RERE: variants seen among roughly 807,000 people sequenced by gnomAD.
RERE encodes the protein arginine-glutamic acid dipeptide repeats protein.
A neutral mutation model predicts 146.1 loss-of-function variants in RERE; 40 were observed. The observed-to-expected ratio is 0.27, with a 90% CI of 0.21 to 0.36. The LOEUF (loss-of-function observed/expected upper bound fraction) is 0.36, where lower values mean the gene tolerates loss of function less well. RERE is among the 10% of genes least tolerant of loss of function. RERE has a pLI of 1.00. For missense variants in RERE, 1,933 were observed against 2,138.7 expected (o/e 0.90, Z 1.90); for synonymous variants, 1,003 against 866.0 (o/e 1.16, Z -2.78).
chr1:8,363,762 C>G (rs900312709), intron 15 of RERE: 1 of 452,926 alleles, frequency 2.2e-6, no homozygotes, highest in Non-Finnish European at 4.0e-6. Context: ...GAAGTGACAC[C>G]ACAAGCAGCA....
At chr1:8,708,905 GTTTTTTTTTT>G (rs35403792) in intron 1 of RERE, among the ~76,000 whole-genome samples, 1 of 72,284 alleles carries the variant, frequency 1.4e-5, no homozygotes, top group Non-Finnish European at 2.4e-5. Flanking sequence ...AAACTCTGGA[GTTTTTTTTTT>G]TTTTTTTTTT....
intron 2 of RERE, among the ~76,000 whole-genome samples, chr1:8,638,277 G>GT (rs1298766458): frequency 6.6e-6 from 1 of 152,016 alleles, no homozygotes; most frequent in East Asian, 1.9e-4. Flanking sequence ...ATTTTGAGAT[G>GT]TTTTTTCCAT....
intron 1 of RERE, among the ~76,000 whole-genome samples, chr1:8,809,394 C>G (rs1641751142): frequency 6.6e-6 from 1 of 152,100 alleles, no homozygotes; most frequent in Non-Finnish European, 1.5e-5. Context: ...TTGGCTGTAG[C>G]TAAGATTTTT....
chr1:8,752,765 T>C (rs1253392655), intron 1 of RERE, among the ~76,000 whole-genome samples: 1 of 152,198 alleles, frequency 6.6e-6, no homozygotes, highest in Non-Finnish European at 1.5e-5. Context: ...ACAGTTTGTG[T>C]TGGAAATAAT....
chr1:8,664,361 A>T (rs1638523998), intron 1 of RERE, among the ~76,000 whole-genome samples: 1 of 151,856 alleles, frequency 6.6e-6, no homozygotes, highest in Admixed American at 6.6e-5. Context: ...CTCTTTTCTC[A>T]TCCTCTACTT....
At chr1:8,517,427 T>G (rs1645434588) in intron 7 of RERE, among the ~76,000 whole-genome samples, 1 of 152,228 alleles carries the variant, frequency 6.6e-6, no homozygotes, top group African/African-American at 2.4e-5. Context: ...CTGCTGTGGA[T>G]TCATCATCTT....
Position 8,775,319 on chromosome 1 carries a change from C to T in RERE, c.-145+41841G>A, listed in dbSNP as rs560169594. Among the ~76,000 whole-genome samples, 6 of 152,264 alleles carry T rather than the reference C, an allele frequency of 3.9e-5. No individual in the cohort carries two copies. The South Asian group carries it at 1.2e-3, about 32-fold the overall frequency. ...GGGAACAGTGGCTCACACCTATAAT[C>T]CCAACACTTTGGGAGGCCGAAGCAG... On this transcript the variant is annotated intron_variant, in intron 1 of 22. Transcript: ENST00000400908.
At chr1:8,617,477 T>G (rs2124204455) in intron 3 of RERE, among the ~76,000 whole-genome samples, 1 of 152,276 alleles carries the variant, frequency 6.6e-6, no homozygotes. Flanking sequence ...ATAACGAACT[T>G]TAATGTAAAG....
chr1:8,607,530 A>ATATATTTTTT (rs1646732034), intron 4 of RERE, among the ~76,000 whole-genome samples: 2 of 57,582 alleles, frequency 3.5e-5, no homozygotes, highest in East Asian at 9.6e-4. Context: ...TTTTATATAT[A>ATATATTTTTT]TTTCTTTTTT....
At chr1:8,388,554 C>T (rs998724276) in intron 12 of RERE, among the ~76,000 whole-genome samples, 2 of 152,146 alleles carry the variant, frequency 1.3e-5, no homozygotes, top group Non-Finnish European at 2.9e-5. Flanking sequence ...CTCCTGACCT[C>T]ATGATCCGCC....
intron 1 of RERE, among the ~76,000 whole-genome samples, chr1:8,743,349 G>A (rs1640350683): frequency 1.3e-5 from 2 of 152,012 alleles, no homozygotes; most frequent in Non-Finnish European, 2.9e-5. Context: ...TAGAATTTGG[G>A]CTTACTGAAA....
Position 8,574,982 on chromosome 1 carries a change from G to A in RERE, c.523-17459C>T, listed in dbSNP as rs147970964. ...CTTTCTAAAATTAAAAGTCTAATTC[G>A]CAAATGCTAAAATTTACATACACAT... On this transcript the variant is annotated intron_variant, in intron 4 of 22. Transcript: ENST00000400908. 1.8e-4 allele frequency among the ~76,000 whole-genome samples: 28 copies of A among 152,098 alleles called. 1 individual carries two copies. Among genetic ancestry groups the A allele is most frequent in the African/African-American group, 2.7e-4 (11 of 41,488 alleles).
In RERE at chr1:8,452,568, T is replaced by TA. The variant is rs201965157; in HGVS notation, c.1203+13356dup. 4.3e-3 allele frequency among the ~76,000 whole-genome samples: 641 copies of TA among 150,384 alleles called. 11 individuals are homozygous for TA. The highest frequency in any genetic ancestry group is 0.015 in the African/African-American group (608 of 40,950). ...CTTGTTTCCAAAAAACTAAGCCAAA[T>TA]AAAAAAAAAGTCACTTGAATAATAG... On this transcript the variant is annotated intron_variant, in intron 11 of 22. Transcript: ENST00000400908.
intron 4 of RERE, among the ~76,000 whole-genome samples, chr1:8,608,902 G>C (rs1646755975): frequency 6.6e-6 from 1 of 152,116 alleles, no homozygotes; most frequent in Non-Finnish European, 1.5e-5. Context: ...GGCCAACATG[G>C]TGAAACCCTG....
chr1:8,655,478 T>C (rs570127101), intron 2 of RERE, among the ~76,000 whole-genome samples: 3 of 152,186 alleles, frequency 2.0e-5, no homozygotes, highest in Non-Finnish European at 4.4e-5. Flanking sequence ...AGTGCTAGAA[T>C]TGCAGGCGTG....
chr1:8,553,770 G>A (rs1256972716), intron 6 of RERE, among the ~76,000 whole-genome samples: 1 of 152,220 alleles, frequency 6.6e-6, no homozygotes, highest in Admixed American at 6.5e-5. Flanking sequence ...TGAAAGGACA[G>A]TGACTTACAC....
At chr1:8,621,661 C>A (rs1418981022) in intron 3 of RERE, among the ~76,000 whole-genome samples, 1 of 152,200 alleles carries the variant, frequency 6.6e-6, no homozygotes, top group Non-Finnish European at 1.5e-5. Context: ...TACCTAATTA[C>A]TCAACATTTC....
chr1:8,525,155 A>G (rs920545106), intron 7 of RERE, among the ~76,000 whole-genome samples: 1 of 152,218 alleles, frequency 6.6e-6, no homozygotes, highest in African/African-American at 2.4e-5. Context: ...ATAACCTTTC[A>G]TTTTTAAAAA....
chr1:8,626,265 T>C (rs528587013), intron 2 of RERE, among the ~76,000 whole-genome samples: 9 of 152,230 alleles, frequency 5.9e-5, no homozygotes, highest in Admixed American at 1.3e-4. Flanking sequence ...CTTAGTTTCC[T>C]GTGTTTCAGT....
Sources: allele counts gnomAD v4.1 joint callset (sites outside exome capture counted in the v4.1 genomes callset), GRCh38; gene constraint gnomAD v4.1.1; transcripts MANE v1.5; gene names NCBI Gene and HGNC (gene_info 2026-07-23, HGNC 2026-07-21).